TAFA5: variants seen among roughly 807,000 people sequenced by gnomAD.
TAFA5 encodes TAFA chemokine like family member 5.
Under a neutral mutation model 15.3 loss-of-function variants are expected in TAFA5, and 6 were observed. The observed-to-expected ratio is 0.39, with a 90% CI of 0.21 to 0.77. The LOEUF is 0.77. Among genes scored for constraint, TAFA5 ranks in the 30% least tolerant of loss-of-function variants. The pLI is 0.41. For missense variants in TAFA5, 161 were observed against 193.1 expected (o/e 0.83, Z 0.98); for synonymous variants, 103 against 80.7 (o/e 1.28, Z -1.48).
At chr22:48,702,879 C>T (rs1333058430) in intron 2 of TAFA5, among the ~76,000 whole-genome samples, 1 of 152,216 alleles carries the variant, frequency 6.6e-6, no homozygotes, top group Non-Finnish European at 1.5e-5. Context: ...TGGGTGAGCC[C>T]AGCTCCTGCC....
At chr22:48,644,899 C>A (rs900834849) in intron 1 of TAFA5, among the ~76,000 whole-genome samples, 1 of 152,196 alleles carries the variant, frequency 6.6e-6, no homozygotes, top group Non-Finnish European at 1.5e-5. Flanking sequence ...TTGTCCTGAG[C>A]CCCCCAGGCA....
intron 1 of TAFA5, among the ~76,000 whole-genome samples, chr22:48,509,493 T>A (rs1921131817): frequency 6.6e-6 from 1 of 152,224 alleles, no homozygotes; most frequent in South Asian, 2.1e-4. Context: ...TTGCCTTTTG[T>A]CTTATTGATA....
At chr22:48,601,888 C>T (rs937673340) in intron 1 of TAFA5, among the ~76,000 whole-genome samples, 1 of 152,222 alleles carries the variant, frequency 6.6e-6, no homozygotes, top group African/African-American at 2.4e-5. Flanking sequence ...GGCCTCGTTC[C>T]TCCACACAGT....
At chr22:48,615,166 A>G (rs146047650) in intron 1 of TAFA5, among the ~76,000 whole-genome samples, 2,054 of 152,264 alleles carry the variant, frequency 0.013, 17 homozygotes, top group Middle Eastern at 0.02. Context: ...GAGGGTGGAC[A>G]GGTATGTGTC....
intron 3 of TAFA5, among the ~76,000 whole-genome samples, chr22:48,720,542 C>T (rs1403738474): frequency 2.0e-5 from 3 of 152,222 alleles, no homozygotes; most frequent in Admixed American, 6.5e-5. Flanking sequence ...GCGGGGACTG[C>T]GGCAAGGTGC....
intron 1 of TAFA5, among the ~76,000 whole-genome samples, chr22:48,625,095 A>G (rs1925980826): frequency 6.6e-6 from 1 of 150,994 alleles, no homozygotes. Context: ...AGCCTGGGAA[A>G]TAGAGTGAGA....
chr22:48,557,938 G>T (rs1000516593), intron 1 of TAFA5, among the ~76,000 whole-genome samples: 1 of 152,232 alleles, frequency 6.6e-6, no homozygotes, highest in Non-Finnish European at 1.5e-5. Flanking sequence ...AGCCGGGGCA[G>T]GTGGGACCTT....
chr22:48,720,440 C>T (rs1393190789), intron 3 of TAFA5, among the ~76,000 whole-genome samples: 5 of 152,120 alleles, frequency 3.3e-5, no homozygotes, highest in African/African-American at 4.8e-5. Flanking sequence ...CCAAATGGGC[C>T]TGCTTGGTTG....
At chr22:48,662,319 G>A (rs906635011) in intron 2 of TAFA5, among the ~76,000 whole-genome samples, 2 of 152,168 alleles carry the variant, frequency 1.3e-5, no homozygotes, top group African/African-American at 4.8e-5. Context: ...AAACCTGCCG[G>A]GAGCCTCGGG....
At chr22:48,641,812 G>A (rs1358802946) in intron 1 of TAFA5, among the ~76,000 whole-genome samples, 1 of 152,124 alleles carries the variant, frequency 6.6e-6, no homozygotes, top group Non-Finnish European at 1.5e-5. Flanking sequence ...CACTCGGCCT[G>A]GGCTTTGTGG....
At chr22:48,654,510 C>T (rs73891341) in intron 2 of TAFA5, among the ~76,000 whole-genome samples, 5,788 of 152,312 alleles carry the variant, frequency 0.038, 190 homozygotes, top group East Asian at 0.13. Flanking sequence ...CCGTGTGATT[C>T]GGGGACAGAG....
rs1192352831 is a variant in TAFA5 at position 48,639,819 on chromosome 22, C to T, written c.113-6778C>T. ...CAGTCCACAGCATCCTTCCTGCCAT[C>T]ACCTGCCGGGGTCCTGGAGAGCCAG... On this transcript the variant is annotated intron_variant, in intron 1 of 3. Transcript: ENST00000402357. 2.0e-5 allele frequency among the ~76,000 whole-genome samples: 3 copies of T among 152,234 alleles called. No homozygotes were observed. The South Asian group carries it at 6.2e-4, about 32-fold the overall frequency.
chr22:48,491,116 C>A (rs1321858926), intron 1 of TAFA5, among the ~76,000 whole-genome samples: 3 of 152,214 alleles, frequency 2.0e-5, no homozygotes, highest in Non-Finnish European at 2.9e-5. Context: ...GCAGACGAGG[C>A]CACCGTGGGT....
intron 1 of TAFA5, among the ~76,000 whole-genome samples, chr22:48,572,548 C>T (rs1923625807): frequency 6.6e-6 from 1 of 152,218 alleles, no homozygotes; most frequent in African/African-American, 2.4e-5. Context: ...CTTAACTCTG[C>T]TCTGCCCTGG....
At chr22:48,597,379 C>T (rs1924804919) in intron 1 of TAFA5, among the ~76,000 whole-genome samples, 1 of 151,542 alleles carries the variant, frequency 6.6e-6, no homozygotes, top group Non-Finnish European at 1.5e-5. Context: ...ACCTGGCCCG[C>T]ATCACCTGGG....
At chr22:48,710,424 C>T (rs1157452072) in intron 3 of TAFA5, among the ~76,000 whole-genome samples, 1 of 152,198 alleles carries the variant, frequency 6.6e-6, no homozygotes, top group East Asian at 1.9e-4. Context: ...TCTCTCCTCC[C>T]CTGTAGTTCT....
At chr22:48,631,223 G>C (rs1184445766) in intron 1 of TAFA5, among the ~76,000 whole-genome samples, 1 of 152,072 alleles carries the variant, frequency 6.6e-6, no homozygotes, top group African/African-American at 2.4e-5. Context: ...TGGCCCCTCT[G>C]CCAGGCCAGG....
intron 1 of TAFA5, among the ~76,000 whole-genome samples, chr22:48,582,140 G>A (rs1924070403): frequency 6.6e-6 from 1 of 152,010 alleles, no homozygotes; most frequent in South Asian, 2.1e-4. Context: ...GGCTCTGTGT[G>A]TGAGCCCACC....
chr22:48,678,678 G>C (rs1423834080), intron 2 of TAFA5, among the ~76,000 whole-genome samples: 1 of 151,552 alleles, frequency 6.6e-6, no homozygotes, highest in Non-Finnish European at 1.5e-5. Context: ...CGGAAGCCCT[G>C]CGCTCAAGGA....
Sources: allele counts gnomAD v4.1 joint callset (sites outside exome capture counted in the v4.1 genomes callset), GRCh38; gene constraint gnomAD v4.1.1; transcripts MANE v1.5; gene names NCBI Gene and HGNC (gene_info 2026-07-23, HGNC 2026-07-21).